CACNB2: variants seen among roughly 807,000 people sequenced by gnomAD.
CACNB2 encodes the protein calcium voltage-gated channel auxiliary subunit beta 2.
In CACNB2, 42 loss-of-function variants were observed where a neutral mutation model predicts 73.3. The observed-to-expected ratio is 0.57, with a 90% CI of 0.45 to 0.74. The LOEUF (loss-of-function observed/expected upper bound fraction) is 0.74, where lower values mean the gene tolerates loss of function less well. Among genes scored for constraint, CACNB2 ranks in the 30% least tolerant of loss-of-function variants. CACNB2 has a pLI of 0.00. For synonymous variants in CACNB2, 348 were observed against 310.3 expected, an observed-to-expected ratio of 1.12 and a Z score of -1.28; for missense variants, 940 against 853.0, an observed-to-expected ratio of 1.10 and a Z score of -1.27.
intron 2 of CACNB2, among the ~76,000 whole-genome samples, chr10:18,283,341 C>T (rs1377925493): frequency 6.6e-5 from 10 of 152,104 alleles, no homozygotes; most frequent in Admixed American, 5.2e-4. Context: ...AAGGATTATA[C>T]GTCATGCTGC....
intron 3 of CACNB2, among the ~76,000 whole-genome samples, chr10:18,479,669 T>C (rs1310473765): frequency 6.7e-6 from 1 of 149,788 alleles, no homozygotes. Context: ...TGAGATCTGA[T>C]GGTTTAAAAG....
intron 2 of CACNB2, among the ~76,000 whole-genome samples, chr10:18,237,089 T>C (rs1290662293): frequency 6.6e-6 from 1 of 152,148 alleles, no homozygotes; most frequent in African/African-American, 2.4e-5. Flanking sequence ...GCATTGCAAT[T>C]GCCTCCAATG....
intron 2 of CACNB2, among the ~76,000 whole-genome samples, chr10:18,373,257 G>A (rs1225131860): frequency 2.0e-5 from 3 of 152,072 alleles, no homozygotes; most frequent in Non-Finnish European, 4.4e-5. Context: ...ACTCAGCAGG[G>A]ATTTATTAAA....
chr10:18,315,137 G>T (rs2040112615), intron 2 of CACNB2, among the ~76,000 whole-genome samples: 1 of 152,054 alleles, frequency 6.6e-6, no homozygotes, highest in African/African-American at 2.4e-5. Flanking sequence ...TTCGAGACCA[G>T]CCTGGCCAAC....
chr10:18,276,957 T>A (rs968005610), intron 2 of CACNB2, among the ~76,000 whole-genome samples: 17 of 152,028 alleles, frequency 1.1e-4, no homozygotes, highest in African/African-American at 3.9e-4. Flanking sequence ...CACAAAAAAA[T>A]TAAAAAATTA....
intron 2 of CACNB2, among the ~76,000 whole-genome samples, chr10:18,377,927 G>A (rs2042867349): frequency 6.6e-6 from 1 of 152,178 alleles, no homozygotes; most frequent in African/African-American, 2.4e-5. Context: ...CCTGGGAACT[G>A]AGTAAAATTA....
intron 2 of CACNB2, among the ~76,000 whole-genome samples, chr10:18,170,621 G>A (rs941982200): frequency 2.6e-5 from 4 of 152,156 alleles, no homozygotes; most frequent in Non-Finnish European, 5.9e-5. Flanking sequence ...TTAAAAATTA[G>A]AATGTTGGTG....
chr10:18,282,608 A>T (rs1306626227), intron 2 of CACNB2, among the ~76,000 whole-genome samples: 1 of 152,148 alleles, frequency 6.6e-6, no homozygotes, highest in African/African-American at 2.4e-5. Flanking sequence ...AATGCTGAGC[A>T]CTCTTTCTGG....
At chr10:18,254,419 T>C (rs1352513461) in intron 2 of CACNB2, among the ~76,000 whole-genome samples, 2 of 152,178 alleles carry the variant, frequency 1.3e-5, no homozygotes, top group African/African-American at 2.4e-5. Flanking sequence ...TATGACTTTT[T>C]CCCTAATTTC....
chr10:18,141,127 G>T, intron 1 of CACNB2: 5 of 1,548,916 alleles, frequency 3.2e-6, no homozygotes, highest in East Asian at 2.5e-5. Context: ...CTTCTCCCGG[G>T]TTGCTCCAGC....
intron 2 of CACNB2, among the ~76,000 whole-genome samples, chr10:18,301,691 C>T (rs2039518356): frequency 6.6e-6 from 1 of 151,322 alleles, no homozygotes; most frequent in Admixed American, 6.6e-5. Flanking sequence ...CTCTGTCACC[C>T]AGGCTGGAGT....
At chr10:18,400,525 T>C in intron 2 of CACNB2, 1 of 969,876 alleles carries the variant, frequency 1.0e-6, no homozygotes, top group South Asian at 4.1e-5. Flanking sequence ...ATATGGAGCA[T>C]GCCCAGTGTG....
At chr10:18,464,680 A>G (rs1248080998) in intron 3 of CACNB2, among the ~76,000 whole-genome samples, 2 of 152,072 alleles carry the variant, frequency 1.3e-5, no homozygotes, top group Non-Finnish European at 2.9e-5. Flanking sequence ...CCACTACCAC[A>G]CATCTCCAAG....
intron 9 of CACNB2, among the ~76,000 whole-genome samples, chr10:18,523,661 A>G (rs1222761852): frequency 3.3e-5 from 5 of 152,150 alleles, no homozygotes; most frequent in South Asian, 2.1e-4. Flanking sequence ...TAACATTTTT[A>G]CCCATGGCAA....
intron 10 of CACNB2, among the ~76,000 whole-genome samples, chr10:18,528,723 T>C (rs1399093512): frequency 2.6e-5 from 4 of 152,184 alleles, no homozygotes; most frequent in South Asian, 4.1e-4. Flanking sequence ...TTTAGAAATA[T>C]ATTTGAGGAA....
At chr10:18,459,331 T>C (rs1257491850) in intron 3 of CACNB2, among the ~76,000 whole-genome samples, 1 of 152,180 alleles carries the variant, frequency 6.6e-6, no homozygotes, top group Non-Finnish European at 1.5e-5. Flanking sequence ...ATCACTATCC[T>C]TTGGAACAAT....
chr10:18,335,521 G>C (rs912257981), intron 2 of CACNB2, among the ~76,000 whole-genome samples: 2 of 152,154 alleles, frequency 1.3e-5, no homozygotes, highest in South Asian at 4.1e-4. Context: ...TTGAACCCAG[G>C]AGGCAGAGGT....
intron 2 of CACNB2, among the ~76,000 whole-genome samples, chr10:18,280,657 C>T (rs1046384939): frequency 6.6e-5 from 10 of 152,192 alleles, no homozygotes; most frequent in African/African-American, 2.2e-4. Context: ...GCCCTGTCTT[C>T]ACTGTCTTCA....
chr10:18,392,593 G>A (rs922317394), intron 2 of CACNB2, among the ~76,000 whole-genome samples: 4 of 152,146 alleles, frequency 2.6e-5, no homozygotes, highest in Non-Finnish European at 4.4e-5. Context: ...CAGAGAAAAT[G>A]GAGTCAAGGA....
Sources: gnomAD v4.1 joint callset for allele counts (sites outside exome capture counted in the v4.1 genomes callset) on GRCh38, gnomAD v4.1.1 for gene constraint, MANE v1.5 for transcripts, NCBI Gene and HGNC (gene_info 2026-07-23, HGNC 2026-07-21) for gene names.